Variants in RTN1 observed in about 807,000 individuals in gnomAD.
RTN1 encodes reticulon-1.
A neutral mutation model predicts 65.5 loss-of-function variants in RTN1; 25 were observed. The ratio of observed to expected loss-of-function variants is 0.38; its 90% CI spans 0.28 to 0.53. RTN1 has a LOEUF of 0.53. Among genes scored for constraint, RTN1 ranks in the 20% least tolerant of loss-of-function variants. The probability of loss-of-function intolerance (pLI) is 0.79; values close to 1 mark genes in which losing one functional copy is unlikely to be tolerated. For missense variants in RTN1, 983 were observed against 1,025.4 expected (o/e 0.96, Z 0.57); for synonymous variants, 471 against 447.6 (o/e 1.05, Z -0.66).
Position 59,870,343 on chromosome 14 carries a change from G to T in RTN1, c.241+47C>A. 2 of 1,441,236 alleles carry T rather than the reference G, an allele frequency of 1.4e-6. No individual in the cohort carries two copies. The highest frequency in any genetic ancestry group is 9.1e-7 in the Non-Finnish European group (1 of 1,104,622). 89.3% of individuals were successfully genotyped at this position (1,441,236 alleles called of 1,614,324 possible). A position where few individuals can be genotyped will look rare whatever the true frequency, so the allele number is the denominator to read the frequency against. On this transcript the variant is annotated intron_variant, in intron 1 of 8. Transcript: ENST00000267484. This position sits in a 1 kb window ranked among gnomAD's most constrained non-coding sequence, Gnocchi z 5.1. ...CCGCGCAGAAGGGGACTGACTGGGG[G>T]GCCCTGGTCCCCGACGCCATTTGAG...
Position 59,870,551 on chromosome 14 carries a change from T to TC in RTN1, c.79dup (p.Glu27GlyfsTer85). ...CGGCGTCACCGCTTCGTTCTCCCCC[T>TC]CCCCCCGGTGCCTGAGCCACTGGGA... On this transcript the variant is annotated frameshift_variant, in exon 1 of 9. Coordinates refer to ENST00000267484, the MANE Select transcript of RTN1 (RefSeq NM_021136.3). LOFTEE classifies it high-confidence loss of function. The surrounding 1 kb of genome is among the most constrained non-coding windows in gnomAD (Gnocchi z 5.1). 2 of 1,455,004 alleles carry TC rather than the reference T, an allele frequency of 1.4e-6. No individual in the cohort carries two copies. Among genetic ancestry groups the TC allele is most frequent in the South Asian group, 1.3e-5 (1 of 74,832 alleles). The allele number at this position is 1,455,004 out of a possible 1,614,324, so 90.1% of individuals were successfully genotyped here.
At chr14:59,761,161 T>C (rs909954916) in intron 1 of RTN1, among the ~76,000 whole-genome samples, 1 of 152,184 alleles carries the variant, frequency 6.6e-6, no homozygotes, top group Non-Finnish European at 1.5e-5. Flanking sequence ...GTGTATCTCA[T>C]AAATTTGAAA....
intron 3 of RTN1, among the ~76,000 whole-genome samples, chr14:59,619,444 G>T (rs139861065): frequency 2.6e-5 from 4 of 152,158 alleles, no homozygotes; most frequent in African/African-American, 9.6e-5. Flanking sequence ...TTGCTCTTTA[G>T]GCTCTGTCAC....
At chr14:59,762,881 C>T (rs986244874) in intron 1 of RTN1, among the ~76,000 whole-genome samples, 4 of 152,122 alleles carry the variant, frequency 2.6e-5, no homozygotes, top group Admixed American at 2.6e-4. Flanking sequence ...TACTATTTTG[C>T]CTTTTAACAG....
Position 59,601,971 on chromosome 14 carries a change from G to A in RTN1, c.2288+1094C>T, listed in dbSNP as rs754292174. Among the ~76,000 whole-genome samples the A allele has an allele frequency of 3.3e-5, 5 of 152,222 alleles. No homozygotes were observed. In the South Asian group the frequency reaches 6.2e-4, roughly 19 times the overall value. ...GTTACACCTGGGTCCAAGCTGATAC[G>A]TTCAGGCATTTTGAAATGTGTTGTA... On this transcript the variant is annotated intron_variant, in intron 8 of 8. Transcript: ENST00000267484.
At chr14:59,710,572 T>C (rs1041009268) in intron 3 of RTN1, among the ~76,000 whole-genome samples, 1 of 152,208 alleles carries the variant, frequency 6.6e-6, no homozygotes, top group Non-Finnish European at 1.5e-5. Flanking sequence ...AGCTTCACAC[T>C]GGATGGTGAA....
chr14:59,835,386 G>GCTTCTT (rs1887196693), intron 1 of RTN1, among the ~76,000 whole-genome samples: 1 of 152,096 alleles, frequency 6.6e-6, no homozygotes, highest in Non-Finnish European at 1.5e-5. Flanking sequence ...TCTTGATTGT[G>GCTTCTT]GTAATGATTT....
intron 1 of RTN1, among the ~76,000 whole-genome samples, chr14:59,826,818 A>T (rs1338684982): frequency 6.6e-6 from 1 of 152,162 alleles, no homozygotes; most frequent in Non-Finnish European, 1.5e-5. Flanking sequence ...TTTCATGGTT[A>T]TTACATTCTA....
At chr14:59,656,685 C>T (rs977997193) in intron 3 of RTN1, among the ~76,000 whole-genome samples, 6 of 152,028 alleles carry the variant, frequency 3.9e-5, no homozygotes, top group Non-Finnish European at 5.9e-5. Flanking sequence ...TCTGGAACTC[C>T]CTGGCAACCT....
At chr14:59,745,284 A>T (rs1257437890) in intron 2 of RTN1, among the ~76,000 whole-genome samples, 1 of 152,186 alleles carries the variant, frequency 6.6e-6, no homozygotes, top group Non-Finnish European at 1.5e-5. Context: ...TTTCTTATAC[A>T]TTACCCTGTG....
chr14:59,705,695 A>T (rs1884276910), intron 3 of RTN1, among the ~76,000 whole-genome samples: 2 of 152,186 alleles, frequency 1.3e-5, no homozygotes, highest in Non-Finnish European at 2.9e-5. Context: ...AACACAGACA[A>T]GGCTGGGTTA....
chr14:59,786,183 G>T (rs1886246684), intron 1 of RTN1, among the ~76,000 whole-genome samples: 1 of 152,180 alleles, frequency 6.6e-6, no homozygotes, highest in South Asian at 2.1e-4. Flanking sequence ...AAACCACCAA[G>T]GTGGTCCAGC....
intron 1 of RTN1, among the ~76,000 whole-genome samples, chr14:59,798,510 T>C (rs1886480481): frequency 6.6e-6 from 1 of 152,156 alleles, no homozygotes; most frequent in South Asian, 2.1e-4. Context: ...AGTAGCTGCC[T>C]ACATTCCTTG....
rs551466567 is a variant in RTN1, at chr14:59,689,709, A to G, written c.1765+37210T>C. ...AAGAACTTCATATCCCACCAAACTA[A>G]GCTTCATAAGTGAAGGAGAGATAGA... On this transcript the variant is annotated intron_variant, in intron 3 of 8. Transcript: ENST00000267484. Among the ~76,000 whole-genome samples, 42 of 152,280 alleles carry G rather than the reference A, an allele frequency of 2.8e-4. No homozygotes were observed. In the South Asian group the frequency reaches 7.5e-3, roughly 27 times the overall value.
chr14:59,838,368 A>C (rs1887251098), intron 1 of RTN1, among the ~76,000 whole-genome samples: 1 of 152,198 alleles, frequency 6.6e-6, no homozygotes, highest in Non-Finnish European at 1.5e-5. Flanking sequence ...CACTTCCAGG[A>C]ATTCACAGGA....
intron 3 of RTN1, among the ~76,000 whole-genome samples, chr14:59,704,747 T>C (rs989139504): frequency 2.6e-5 from 4 of 152,100 alleles, no homozygotes; most frequent in African/African-American, 7.2e-5. Flanking sequence ...GGGGAGCCAG[T>C]GCTGGTACTG....
intron 3 of RTN1, among the ~76,000 whole-genome samples, chr14:59,708,629 A>G (rs778891471): frequency 1.3e-5 from 2 of 152,234 alleles, no homozygotes; most frequent in Non-Finnish European, 2.9e-5. Context: ...CAAGGTTTGT[A>G]AGCCATGCAA....
intron 1 of RTN1, among the ~76,000 whole-genome samples, chr14:59,788,613 G>T (rs553032422): frequency 5.9e-5 from 9 of 151,984 alleles, no homozygotes; most frequent in Non-Finnish European, 1.3e-4. Flanking sequence ...TCATGTATCC[G>T]ATTGTTTTTA....
At chr14:59,721,758 C>T (rs190234058) in intron 3 of RTN1, among the ~76,000 whole-genome samples, 1 of 152,306 alleles carries the variant, frequency 6.6e-6, no homozygotes, top group African/African-American at 2.4e-5. Context: ...CACTCTGGAT[C>T]ACCTGGGTGA....
Sources: allele counts gnomAD v4.1 joint callset (sites outside exome capture counted in the v4.1 genomes callset), GRCh38; gene constraint gnomAD v4.1.1; non-coding constraint Gnocchi (gnomAD v3.1); transcripts MANE v1.5; gene names NCBI Gene and HGNC (gene_info 2026-07-23, HGNC 2026-07-21).